The following MTUS2 variants were observed in gnomAD, a reference collection of about 807,000 sequenced individuals.
The protein encoded by MTUS2 is microtubule associated scaffold protein 2.
MTUS2 carries 40 observed loss-of-function variants against 114.1 expected under a neutral mutation model. The observed-to-expected ratio is 0.35, with a 90% CI of 0.27 to 0.46. MTUS2 has a LOEUF of 0.46. Ranked by LOEUF, MTUS2 falls within the 20% of genes least tolerant of loss-of-function variation. MTUS2 has a pLI of 1.00. For synonymous variants in MTUS2, 688 were observed against 672.0 expected (o/e 1.02, Z -0.37); for missense variants, 1,679 against 1,705.4 (o/e 0.98, Z 0.27).
At chr13:29,406,185 CTG>C in intron 8 of MTUS2, among the ~76,000 whole-genome samples, 1 of 152,202 alleles carries the variant, frequency 6.6e-6, no homozygotes, top group South Asian at 2.1e-4. Context: ...GAAACCTACC[CTG>C]TCTTAGTTAT....
At chr13:29,239,119 CA>C (rs1172791145) in intron 5 of MTUS2, among the ~76,000 whole-genome samples, 9 of 152,058 alleles carry the variant, frequency 5.9e-5, no homozygotes, top group South Asian at 2.1e-4. Flanking sequence ...ACCACAGACA[CA>C]CAAAAAAGGT....
chr13:29,392,242 C>G (rs1470181807), intron 8 of MTUS2, among the ~76,000 whole-genome samples: 1 of 152,090 alleles, frequency 6.6e-6, no homozygotes, highest in Admixed American at 6.6e-5. Context: ...TCCCGCAGCC[C>G]CTGGCCACCA....
chr13:29,394,894 G>A (rs1197720331), intron 8 of MTUS2, among the ~76,000 whole-genome samples: 4 of 152,108 alleles, frequency 2.6e-5, no homozygotes, highest in Non-Finnish European at 1.5e-5. Flanking sequence ...GATGATCTAA[G>A]GTGGAACAGT....
chr13:29,034,027 G>A lies in MTUS2; in HGVS notation c.2348G>A (p.Ser783Asn). ...GAMSRLPSAK[S>N]RILIASQRSS... is the part of the protein sequence containing the mutation. ...ATGTCCCGTTTACCATCTGCAAAGA[G>A]CAGGATTCTGATTGCAAGTCAGAGG... Residue 783 changes from serine (S) to asparagine (N), a missense_variant, in exon 4 of 16, where the codon AGC (serine) becomes AAC (asparagine). Coordinates refer to ENST00000612955, the MANE Select transcript of MTUS2 (RefSeq NM_001033602.4). The A allele has an allele frequency of 1.9e-6, 3 of 1,613,986 alleles. No homozygotes were observed. The South Asian group carries it at 3.3e-5, about 18-fold the overall frequency.
chr13:28,953,629 T>G (rs766296156), intron 2 of MTUS2, among the ~76,000 whole-genome samples: 4 of 152,236 alleles, frequency 2.6e-5, no homozygotes, highest in Non-Finnish European at 5.9e-5. Context: ...TTTTAAAATT[T>G]CCATATAGCC....
chr13:29,196,971 C>T (rs1894729527), intron 5 of MTUS2, among the ~76,000 whole-genome samples: 1 of 152,130 alleles, frequency 6.6e-6, no homozygotes, highest in Non-Finnish European at 1.5e-5. Context: ...GGCATATACC[C>T]AGAAGTGGGA....
intron 2 of MTUS2, among the ~76,000 whole-genome samples, chr13:28,978,725 T>C (rs1884226975): frequency 6.6e-6 from 1 of 152,208 alleles, no homozygotes; most frequent in Non-Finnish European, 1.5e-5. Context: ...CATCCTTTTG[T>C]TGTAAGACAG....
intron 9 of MTUS2, among the ~76,000 whole-genome samples, chr13:29,445,727 AC>A (rs201111203): frequency 0.033 from 5,050 of 151,410 alleles, 282 homozygotes; most frequent in African/African-American, 0.12. Context: ...GCCATGGCGA[AC>A]CCCATCTCTA....
At chr13:29,171,187 A>G (rs1214741586) in intron 5 of MTUS2, among the ~76,000 whole-genome samples, 1 of 152,034 alleles carries the variant, frequency 6.6e-6, no homozygotes, top group Non-Finnish European at 1.5e-5. Context: ...GGGTAATTGT[A>G]GCGAATTAAA....
intron 6 of MTUS2, among the ~76,000 whole-genome samples, chr13:29,284,338 C>A (rs1300687052): frequency 6.8e-6 from 1 of 146,556 alleles, no homozygotes; most frequent in Non-Finnish European, 1.5e-5. Flanking sequence ...TTTATCTAAA[C>A]AATAGGAAAA....
intron 5 of MTUS2, among the ~76,000 whole-genome samples, chr13:29,252,535 A>T (rs1469418638): frequency 2.0e-5 from 3 of 150,646 alleles, no homozygotes; most frequent in Non-Finnish European, 4.4e-5. Context: ...CTGCCAGAAA[A>T]CTCCTTCCAA....
intron 4 of MTUS2, among the ~76,000 whole-genome samples, chr13:29,036,750 AC>A (rs1887094833): frequency 6.6e-6 from 1 of 151,712 alleles, no homozygotes; most frequent in Admixed American, 6.6e-5. Flanking sequence ...TGATCCCTTT[AC>A]CATTATGTAA....
At chr13:29,323,546 A>G (rs1205467998) in intron 6 of MTUS2, among the ~76,000 whole-genome samples, 1 of 152,176 alleles carries the variant, frequency 6.6e-6, no homozygotes, top group African/African-American at 2.4e-5. Flanking sequence ...CACCACGCCC[A>G]GCCTGATATG....
chr13:29,447,718 T>C (rs1878392005), intron 9 of MTUS2, among the ~76,000 whole-genome samples: 1 of 151,834 alleles, frequency 6.6e-6, no homozygotes, highest in East Asian at 1.9e-4. Flanking sequence ...GGTGTGTCCC[T>C]GGAAAAGGCT....
intron 8 of MTUS2, among the ~76,000 whole-genome samples, chr13:29,360,693 C>T (rs977727464): frequency 7.3e-6 from 1 of 137,682 alleles, no homozygotes; most frequent in Admixed American, 7.2e-5. Flanking sequence ...CGAACACCCC[C>T]CCCCCCCCGT....
rs527340777 is a variant in MTUS2 at position 28,882,767 on chromosome 13, A to G, written c.-243+42917A>G. On this transcript the variant is annotated intron_variant, in intron 2 of 15. Coordinates refer to ENST00000612955, the MANE Select transcript of MTUS2 (RefSeq NM_001033602.4). ...AATTTTTTTTTAAATAGACAATCAA[A>G]ACTAAAAACTGCTTTTCAAAAGACG... 3.3e-5 allele frequency among the ~76,000 whole-genome samples: 5 copies of G among 152,246 alleles called. No homozygotes were observed. In the South Asian group the frequency reaches 1.0e-3, roughly 32 times the overall value.
chr13:29,452,572 ATATGTGTGTG>A (rs1381528245), intron 9 of MTUS2, among the ~76,000 whole-genome samples: 1 of 48,742 alleles, frequency 2.1e-5, no homozygotes, highest in Non-Finnish European at 4.4e-5. Context: ...ATATATATAT[ATATGTGTGTG>A]TGTGTGTGTG....
chr13:29,051,212 A>G (rs1887880760), intron 4 of MTUS2, among the ~76,000 whole-genome samples: 1 of 152,118 alleles, frequency 6.6e-6, no homozygotes, highest in Non-Finnish European at 1.5e-5. Flanking sequence ...ATTGGGATAC[A>G]TTTTGGAGGT....
rs199609711 is a variant in MTUS2, at chr13:29,088,296, CTT to C, written c.2447-12476_2447-12475del. Among the ~76,000 whole-genome samples the C allele has an allele frequency of 1.5e-3, 204 of 139,162 alleles. 3 individuals are homozygous for C. In the Admixed American group the frequency reaches 0.015, roughly 10 times the overall value. 91.3% of individuals were successfully genotyped at this position (139,162 alleles called of 152,430 possible). A position where few individuals can be genotyped will look rare whatever the true frequency, so the allele number is the denominator to read the frequency against. ...TAATTATATGGTTTAGAGTGATCTT[CTT>C]GGTATTGATTTCTAATTTTATTGTG... On this transcript the variant is annotated intron_variant, in intron 4 of 15. Transcript: ENST00000612955.
Sources: allele counts gnomAD v4.1 joint callset (sites outside exome capture counted in the v4.1 genomes callset), GRCh38; gene constraint gnomAD v4.1.1; transcripts MANE v1.5; gene names NCBI Gene and HGNC (gene_info 2026-07-23, HGNC 2026-07-21).